ANKLE2: variants seen among roughly 807,000 people sequenced by gnomAD.
ANKLE2 encodes the protein ankyrin repeat and LEM domain containing 2.
A neutral mutation model predicts 84.2 loss-of-function variants in ANKLE2; 55 were observed. The observed-to-expected ratio is 0.65, with a 90% confidence interval of 0.53 to 0.82. The LOEUF (loss-of-function observed/expected upper bound fraction) is 0.82. ANKLE2 is among the 40% of genes least tolerant of loss of function. ANKLE2 has a pLI of 0.00. For synonymous variants in ANKLE2, 551 were observed against 486.1 expected, an observed-to-expected ratio of 1.13 and a Z score of -1.76; for missense variants, 1,238 against 1,201.9, an observed-to-expected ratio of 1.03 and a Z score of -0.44.
rs1250535474 is a variant in ANKLE2, at chr12:132,761,723, TC to T, written c.75del (p.Ile26SerfsTer38). On this transcript the variant is annotated frameshift_variant, in exon 1 of 13. Transcript: ENST00000357997. LOFTEE classifies it high-confidence loss of function. ...AWELLGASVL[L>X]IAVRWLVRRL... is the part of the protein sequence containing the mutation. ...CGCCGCACCAGCCACCGCACAGCGA[TC>T]AGCAGCACCGAGGCGCCCAGCAGCT... 1.5e-6 allele frequency: 2 copies of T among 1,334,234 alleles called. No homozygotes were observed. Among genetic ancestry groups the T allele is most frequent in the South Asian group, 1.8e-5 (1 of 55,700 alleles). 82.6% of individuals were successfully genotyped at this position (1,334,234 alleles called of 1,614,324 possible). A position where few individuals can be genotyped will look rare whatever the true frequency, so the allele number is the denominator to read the frequency against.
At chr12:132,739,723 C>T (rs978392528) in intron 7 of ANKLE2, among the ~76,000 whole-genome samples, 22 of 152,176 alleles carry the variant, frequency 1.4e-4, no homozygotes, top group South Asian at 2.1e-4. Context: ...CTCTGAGTGA[C>T]GGGAAGGGTG....
rs868061452 is a variant in ANKLE2 at position 132,730,041 on chromosome 12, G to A, written c.2121C>T (p.His707=). 2 of 1,613,196 alleles carry A rather than the reference G, an allele frequency of 1.2e-6. No homozygotes were observed. The highest frequency in any genetic ancestry group is 2.2e-5 in the South Asian group (2 of 91,066). The change falls in exon 11 of 13, where the codon CAC becomes CAT. Residue 707 remains histidine, a synonymous_variant. Coordinates refer to ENST00000357997, the MANE Select transcript of ANKLE2 (RefSeq NM_015114.3). ...GTCTCTTGCCCGCCAGGGTCCTGCT[G>A]TGATTCAGAGGATGGCAGAGCCCAT... ...SRNGLCHPLN[H]SRTLAGKRPK...
At chr12:132,736,191 C>G (rs2044005430) in intron 8 of ANKLE2, among the ~76,000 whole-genome samples, 1 of 152,222 alleles carries the variant, frequency 6.6e-6, no homozygotes, top group African/African-American at 2.4e-5. Flanking sequence ...ACCTCGTGAT[C>G]CACCCGCCTC....
At chr12:132,735,772 G>A (rs1364086172) in intron 8 of ANKLE2, among the ~76,000 whole-genome samples, 2 of 152,182 alleles carry the variant, frequency 1.3e-5, no homozygotes, top group Non-Finnish European at 2.9e-5. Context: ...AACCAGGAGG[G>A]CCCGAGCACG....
intron 6 of ANKLE2, chr12:132,741,695 A>C (rs995451959): frequency 4.5e-6 from 3 of 667,782 alleles, no homozygotes; most frequent in Non-Finnish European, 8.2e-6. Context: ...CTCTGGGATT[A>C]TGGGTAAATT....
chr12:132,755,155 CAAAG>C (rs1425216162), intron 1 of ANKLE2, 22 bp from the exon 2 acceptor site: 2 of 1,567,200 alleles, frequency 1.3e-6, no homozygotes, highest in African/African-American at 2.7e-5. Flanking sequence ...ACAAAAAAAT[CAAAG>C]AGTCACAAAA....
At chr12:132,737,151 C>T in intron 7 of ANKLE2, 86 bp from the exon 8 acceptor site, 1 of 1,438,036 alleles carries the variant, frequency 7.0e-7, no homozygotes, top group Non-Finnish European at 9.3e-7. Flanking sequence ...TCACGCGAGC[C>T]CTTGCCAAGG....
chr12:132,755,264 C>A, intron 1 of ANKLE2, 131 bp from the exon 2 acceptor site: 1 of 889,470 alleles, frequency 1.1e-6, no homozygotes. Flanking sequence ...TTTTTCTTGG[C>A]TGGACGCGGT....
intron 1 of ANKLE2, chr12:132,759,864 T>C (rs1266194622): frequency 6.6e-6 from 1 of 151,970 alleles, no homozygotes; most frequent in African/African-American, 2.4e-5. Context: ...CCCGGTGCGA[T>C]GGCTCACACC....
Position 132,726,916 on chromosome 12 carries a change from A to G in ANKLE2, c.*326T>C. 1 of 331,054 alleles carries G rather than the reference A, an allele frequency of 3.0e-6. No homozygotes were observed. Among genetic ancestry groups the G allele is most frequent in the Admixed American group, 4.3e-5 (1 of 23,072 alleles). The allele number at this position is 331,054 out of a possible 1,614,324, so 20.5% of individuals were successfully genotyped here. ...GATGAGGTGAGTACAGGGTAAGTACAGGGCTGCCTGCCTGCAACTGCCTCA... is the reference window on the plus strand; with the variant it reads ...GATGAGGTGAGTACAGGGTAAGTACGGGGCTGCCTGCCTGCAACTGCCTCA... On this transcript the variant is annotated 3_prime_UTR_variant, in exon 13 of 13. Coordinates refer to ENST00000357997, the MANE Select transcript of ANKLE2 (RefSeq NM_015114.3).
rs755790390 is a variant in ANKLE2, at chr12:132,730,131, G to C, written c.2031C>G (p.Phe677Leu). 5.0e-6 allele frequency: 8 copies of C among 1,612,418 alleles called. No homozygotes were observed. The Admixed American group carries it at 8.3e-5, about 17-fold the overall frequency. Reference protein sequence around the residue: ...GAFGHTRCSAFPLEQEADLIE... With the variant: ...GAFGHTRCSALPLEQEADLIE... Reference sequence around the variant, plus strand: ...TGAGGTCTGCCTCCTGCTCCAAGGGGAAGGCGCTGCACCTCGTATGTCCAA... The same window carrying C: ...TGAGGTCTGCCTCCTGCTCCAAGGGCAAGGCGCTGCACCTCGTATGTCCAA... Residue 677 changes from phenylalanine (F) to leucine (L), a missense_variant, in exon 11 of 13, where the codon TTC (phenylalanine) becomes TTG (leucine). By Grantham distance (22) the Phe-to-Leu change is conservative. Coordinates refer to ENST00000357997, the MANE Select transcript of ANKLE2 (RefSeq NM_015114.3).
chr12:132,753,197 C>CCCAGT (rs1566035389), intron 2 of ANKLE2, among the ~76,000 whole-genome samples: 1 of 151,582 alleles, frequency 6.6e-6, no homozygotes, highest in East Asian at 1.9e-4. Context: ...GTGATCCCAG[C>CCCAGT]GATCCCAAGC....
In ANKLE2 at chr12:132,730,112, C is replaced by T; in HGVS notation, c.2050G>A (p.Asp684Asn). The T allele has an allele frequency of 6.2e-7, 1 of 1,612,576 alleles. No homozygotes were observed. The highest frequency in any genetic ancestry group is 8.5e-7 in the Non-Finnish European group (1 of 1,179,748). ...CSAFPLEQEA[D>N]LIEAAEPGGP... ...CCCGGCTCGGCGGCTTCTATGAGGTCTGCCTCCTGCTCCAAGGGGAAGGCG... is the reference window on the plus strand; with the variant it reads ...CCCGGCTCGGCGGCTTCTATGAGGTTTGCCTCCTGCTCCAAGGGGAAGGCG... Residue 684 changes from aspartate (D) to asparagine (N), a missense_variant, in exon 11 of 13, where the codon GAC becomes AAC. Around this residue, in one of 3 missense-constraint regions of ANKLE2, gnomAD observed 802 missense variants for 774.5 expected, o/e 1.04. Transcript: ENST00000357997.
Position 132,761,757 on chromosome 12 carries a change from C to G in ANKLE2, c.42G>C (p.Leu14=). Residue 14 remains leucine (L), a synonymous_variant, in exon 1 of 13, where the codon CTG becomes CTC. Coordinates refer to ENST00000357997, the MANE Select transcript of ANKLE2 (RefSeq NM_015114.3). ...CCGAGGCGCCCAGCAGCTCCCAGGC[C>G]AGCGCCGCCCACTCGGCCGCCGCCA... ...PRLAAAEWAA[L]AWELLGASVL... 1 of 1,206,696 alleles carries G rather than the reference C, an allele frequency of 8.3e-7. No individual in the cohort carries two copies. 74.7% of individuals were successfully genotyped at this position (1,206,696 alleles called of 1,614,324 possible). A position where few individuals can be genotyped will look rare whatever the true frequency, so the allele number is the denominator to read the frequency against.
At chr12:132,729,340 G>C (rs1414280178) in intron 11 of ANKLE2, among the ~76,000 whole-genome samples, 1 of 74,144 alleles carries the variant, frequency 1.3e-5, no homozygotes, top group East Asian at 4.0e-4. Context: ...GACAGAGCAA[G>C]ACTCCATCTG....
At chr12:132,746,365 AAAG>A (rs1399420647) in intron 5 of ANKLE2, among the ~76,000 whole-genome samples, 5 of 151,544 alleles carry the variant, frequency 3.3e-5, no homozygotes, top group African/African-American at 1.2e-4. Flanking sequence ...AAAAAAAAAA[AAAG>A]AATCAGGTTA....
At chr12:132,757,875 T>C (rs1010708062) in intron 1 of ANKLE2, 5 of 151,436 alleles carry the variant, frequency 3.3e-5, no homozygotes, top group Admixed American at 6.6e-5. Flanking sequence ...TTCCAACTAC[T>C]TGGGGGGCTG....
chr12:132,727,351 G>T lies in ANKLE2; in HGVS notation c.2708C>A (p.Ala903Asp). 6.4e-7 allele frequency: 1 copy of T among 1,561,666 alleles called. No individual in the cohort carries two copies. Among genetic ancestry groups the T allele is most frequent in the Non-Finnish European group, 8.7e-7 (1 of 1,153,072 alleles). The change falls in exon 13 of 13, where the codon GCT becomes GAT. Residue 903 changes from alanine to aspartate, a missense_variant. Transcript: ENST00000357997. ...GCCTGGCTTTGCGGGGTTGCTTCCA[G>T]CCACGCTGTTTCTCCCCGGACTGTA... ...HSYSPGRNSV[A>D]GSNPAKPGLG...
intron 11 of ANKLE2, among the ~76,000 whole-genome samples, chr12:132,729,348 C>A (rs2043775570): frequency 1.7e-5 from 1 of 58,976 alleles, no homozygotes; most frequent in African/African-American, 7.8e-5. Flanking sequence ...AAGACTCCAT[C>A]TGAAAGAAAG....
Sources: allele counts gnomAD v4.1 joint callset (sites outside exome capture counted in the v4.1 genomes callset), GRCh38; gene constraint gnomAD v4.1.1; regional missense constraint gnomAD v4.1.1; transcripts MANE v1.5; gene names NCBI Gene and HGNC (gene_info 2026-07-23, HGNC 2026-07-21).